SEPTIN10: variants seen among roughly 807,000 people sequenced by gnomAD.
The protein encoded by SEPTIN10 is septin 10.
Under a neutral mutation model 54.8 loss-of-function variants are expected in SEPTIN10, and 66 were observed. That is an observed-to-expected ratio of 1.21 (90% CI 0.99 to 1.48). The LOEUF (loss-of-function observed/expected upper bound fraction) is 1.48, where lower values mean the gene tolerates loss of function less well. Ranked by LOEUF, SEPTIN10 falls within the 40% of genes most tolerant of loss-of-function variation. The pLI, the probability that SEPTIN10 is intolerant of heterozygous loss-of-function variation, is 0.00. For missense variants in SEPTIN10, 620 were observed against 545.6 expected, an observed-to-expected ratio of 1.14 and a Z score of -1.36; for synonymous variants, 161 against 181.0, an observed-to-expected ratio of 0.89 and a Z score of 0.89.
At chr2:109,564,853 T>A (rs1355871518) in intron 7 of SEPTIN10, among the ~76,000 whole-genome samples, 2 of 152,248 alleles carry the variant, frequency 1.3e-5, no homozygotes, top group African/African-American at 4.8e-5. Flanking sequence ...TAATATTTTG[T>A]TAGCAGTTTA....
intron 1 of SEPTIN10, chr2:109,613,506 T>C: frequency 4.3e-6 from 1 of 232,238 alleles, no homozygotes; most frequent in Admixed American, 5.0e-5. Flanking sequence ...AACACCGCTG[T>C]GGATGTAACT....
At chr2:109,563,329 T>G (rs369071204) in intron 8 of SEPTIN10, among the ~76,000 whole-genome samples, 2 of 152,218 alleles carry the variant, frequency 1.3e-5, no homozygotes, top group African/African-American at 4.8e-5. Context: ...TCCAAAAGCT[T>G]ATATGCAACA....
Position 109,544,312 on chromosome 2 carries a change from C to A in SEPTIN10, c.1362G>T (p.Leu454Phe). The change falls in exon 11 of 11, where the codon TTG becomes TTT. Residue 454 changes from leucine to phenylalanine, a missense_variant. Coordinates refer to ENST00000397712, the MANE Select transcript of SEPTIN10 (RefSeq NM_144710.5). ...TCTGTGCTCTGGAACTTCTGTTTTA[C>A]AAAAAATTGGAGCTGGAAAGAAAAA... ...KDKDRKNSNFL is the reference protein window; with the variant it reads ...KDKDRKNSNFF The A allele has an allele frequency of 1.3e-6, 2 of 1,582,516 alleles. No individual in the cohort carries two copies. The highest frequency in any genetic ancestry group is 1.7e-6 in the Non-Finnish European group (2 of 1,170,840).
intron 4 of SEPTIN10, among the ~76,000 whole-genome samples, chr2:109,580,362 A>T (rs1690824435): frequency 6.6e-6 from 1 of 151,830 alleles, no homozygotes; most frequent in Non-Finnish European, 1.5e-5. Context: ...AAAAAAAAAA[A>T]AAATCTGGTG....
At position 109,593,116 on chromosome 2, in the gene SEPTIN10, A is replaced by G; in HGVS notation, c.34T>C (p.Phe12Leu). Residue 12 changes from phenylalanine (F) to leucine (L), a missense_variant, in exon 2 of 11, where the codon TTT (phenylalanine) becomes CTT (leucine). Coordinates refer to ENST00000397712, the MANE Select transcript of SEPTIN10 (RefSeq NM_144710.5). ...ASSEVARHLL[F>L]QSHMATKTTC... is the part of the protein sequence containing the mutation. ...GTTTTCGTTGCCATGTGAGACTGAA[A>G]GAGCTAAAAAAGGAATACAAAGGCT... The G allele has an allele frequency of 5.6e-6, 9 of 1,596,512 alleles. No individual in the cohort carries two copies. The highest frequency in any genetic ancestry group is 7.7e-6 in the Non-Finnish European group (9 of 1,172,268).
chr2:109,583,515 A>T (rs553289971), intron 4 of SEPTIN10, among the ~76,000 whole-genome samples: 3 of 152,330 alleles, frequency 2.0e-5, no homozygotes, highest in Admixed American at 6.5e-5. Context: ...TGTAGAGAAA[A>T]GGAAATGCTT....
chr2:109,578,523 T>C (rs911979262), intron 4 of SEPTIN10, among the ~76,000 whole-genome samples: 2 of 66,164 alleles, frequency 3.0e-5, no homozygotes, highest in African/African-American at 5.7e-5. Context: ...CCCAGCACTT[T>C]GGGAGGCCGA....
At chr2:109,613,028 T>C (rs1326592017) in intron 1 of SEPTIN10, 2 of 522,924 alleles carry the variant, frequency 3.8e-6, no homozygotes, top group East Asian at 6.8e-5. Context: ...CACCAATGTT[T>C]ACTATCAAAA....
Position 109,590,129 on chromosome 2 carries a change from C to T in SEPTIN10, c.99+2922G>A, listed in dbSNP as rs149063848. Among the ~76,000 whole-genome samples, 43 of 150,570 alleles carry T rather than the reference C, an allele frequency of 2.9e-4. No individual in the cohort carries two copies. In the East Asian group the frequency reaches 6.1e-3, roughly 21 times the overall value. On this transcript the variant is annotated intron_variant, in intron 2 of 10. Coordinates refer to ENST00000397712, the MANE Select transcript of SEPTIN10 (RefSeq NM_144710.5). ...ATGTATGTATATATATACACACATACAGATGTAAATATCTCGAAGGGTAAT... is the reference window on the plus strand; with the variant it reads ...ATGTATGTATATATATACACACATATAGATGTAAATATCTCGAAGGGTAAT...
intron 1 of SEPTIN10, among the ~76,000 whole-genome samples, chr2:109,609,257 T>C (rs1698695854): frequency 6.6e-6 from 1 of 152,178 alleles, no homozygotes; most frequent in Non-Finnish European, 1.5e-5. Flanking sequence ...AGAATAAAAT[T>C]GTCCAAGATA....
chr2:109,608,457 TAAAGGA>T (rs1418190861), intron 1 of SEPTIN10, among the ~76,000 whole-genome samples: 1 of 152,092 alleles, frequency 6.6e-6, no homozygotes, highest in African/African-American at 2.4e-5. Flanking sequence ...GGGAGGAAGG[TAAAGGA>T]AATCAGAGAA....
At chr2:109,553,246 T>G (rs959153220) in intron 8 of SEPTIN10, 27 bp from the exon 9 acceptor site, 1 of 1,611,186 alleles carries the variant, frequency 6.2e-7, no homozygotes, top group East Asian at 2.2e-5. Context: ...GTTACTCTCC[T>G]GCTAAAAAGT....
chr2:109,547,410 C>A (rs983003635), intron 9 of SEPTIN10, among the ~76,000 whole-genome samples: 1 of 132,522 alleles, frequency 7.5e-6, no homozygotes, highest in Non-Finnish European at 1.6e-5. Flanking sequence ...AATAAGGGGT[C>A]ATTCCAATAA....
chr2:109,613,936 G>T lies in SEPTIN10; in HGVS notation c.-109C>A, dbSNP rs1354470745. ...AGGGCAGAAGCAACGGGCGGGGCGCGAGGCTAGGCTGCCTCCGCGACGGGG... is the reference window on the plus strand; with the variant it reads ...AGGGCAGAAGCAACGGGCGGGGCGCTAGGCTAGGCTGCCTCCGCGACGGGG... On this transcript the variant is annotated 5_prime_UTR_variant, in exon 1 of 11. Transcript: ENST00000397712. 3.3e-6 allele frequency: 4 copies of T among 1,218,092 alleles called. No homozygotes were observed. Among genetic ancestry groups the T allele is most frequent in the Non-Finnish European group, 4.1e-6 (4 of 979,038 alleles). 75.5% of individuals were successfully genotyped at this position (1,218,092 alleles called of 1,614,324 possible).
rs1172572893 is a variant in SEPTIN10 at position 109,543,604 on chromosome 2, G to A, written c.*705C>T. Reference sequence around the variant, plus strand: ...AAAATTTTTAGCATATATAAAAAAGGTTCATCTTGGAATATAAATGTAATC... The same window carrying A: ...AAAATTTTTAGCATATATAAAAAAGATTCATCTTGGAATATAAATGTAATC... On this transcript the variant is annotated 3_prime_UTR_variant, in exon 11 of 11. Transcript: ENST00000397712. 2 of 152,112 alleles carry A rather than the reference G, an allele frequency of 1.3e-5. No homozygotes were observed. The highest frequency in any genetic ancestry group is 4.1e-4 in the South Asian group (2 of 4,822). 9.4% of individuals were successfully genotyped at this position (152,112 alleles called of 1,614,324 possible). A position where few individuals can be genotyped will look rare whatever the true frequency, so the allele number is the denominator to read the frequency against.
chr2:109,568,018 T>C (rs1000908267), intron 5 of SEPTIN10, 42 bp from the exon 6 acceptor site: 5 of 1,460,550 alleles, frequency 3.4e-6, no homozygotes, highest in South Asian at 2.8e-5. Flanking sequence ...TGAGGATTTT[T>C]TTTTTTAATC....
chr2:109,570,252 G>C (rs149306404), intron 5 of SEPTIN10, among the ~76,000 whole-genome samples: 10 of 152,128 alleles, frequency 6.6e-5, no homozygotes, highest in Admixed American at 6.5e-4. Flanking sequence ...CTTTAAATGA[G>C]TGCATGATAC....
chr2:109,568,188 G>C (rs1010352614), intron 5 of SEPTIN10, among the ~76,000 whole-genome samples: 3 of 151,978 alleles, frequency 2.0e-5, no homozygotes, highest in Non-Finnish European at 1.5e-5. Flanking sequence ...ACTGTCTACA[G>C]TTGCGTTCAC....
chr2:109,599,544 G>A (rs1314881184), intron 1 of SEPTIN10, among the ~76,000 whole-genome samples: 1 of 152,002 alleles, frequency 6.6e-6, no homozygotes, highest in Non-Finnish European at 1.5e-5. Flanking sequence ...CAGTGTGCAT[G>A]GCCTGTTTGC....
Sources: allele counts gnomAD v4.1 joint callset (sites outside exome capture counted in the v4.1 genomes callset), GRCh38; gene constraint gnomAD v4.1.1; transcripts MANE v1.5; gene names NCBI Gene and HGNC (gene_info 2026-07-23, HGNC 2026-07-21).